The following IL1RAP variants were observed in gnomAD, a reference collection of about 807,000 sequenced individuals.
IL1RAP encodes the protein interleukin 1 receptor accessory protein.
Under a neutral mutation model 60.7 loss-of-function variants are expected in IL1RAP, and 35 were observed. The observed-to-expected ratio is 0.58, with a 90% CI of 0.44 to 0.76. The LOEUF is 0.76. IL1RAP is among the 30% of genes least tolerant of loss of function. The pLI, the probability that IL1RAP is intolerant of heterozygous loss-of-function variation, is 0.00. For synonymous variants in IL1RAP, 268 were observed against 250.9 expected, an observed-to-expected ratio of 1.07 and a Z score of -0.64; for missense variants, 572 against 693.9, an observed-to-expected ratio of 0.82 and a Z score of 1.97.
intron 3 of IL1RAP, among the ~76,000 whole-genome samples, chr3:190,578,991 C>T (rs2108673210): frequency 6.6e-6 from 1 of 152,276 alleles, no homozygotes; most frequent in Admixed American, 6.5e-5. Flanking sequence ...TGGGTGGGGA[C>T]ACAGCCAAAC....
intron 9 of IL1RAP, among the ~76,000 whole-genome samples, chr3:190,631,093 A>G (rs990507338): frequency 6.6e-6 from 1 of 152,196 alleles, no homozygotes. Flanking sequence ...CCATTCAAGT[A>G]TTTAATATGT....
At chr3:190,621,194 G>A (rs1291383933) in intron 6 of IL1RAP, among the ~76,000 whole-genome samples, 1 of 152,166 alleles carries the variant, frequency 6.6e-6, no homozygotes, top group African/African-American at 2.4e-5. Context: ...GGAAACATTA[G>A]GCTCACTGAC....
intron 1 of IL1RAP, chr3:190,520,636 G>A (rs751416754): frequency 2.6e-5 from 4 of 152,096 alleles, no homozygotes; most frequent in Admixed American, 1.3e-4. Flanking sequence ...AATGAGCTTC[G>A]ATCTCAAGAT....
At chr3:190,540,392 T>C (rs1479429994) in intron 1 of IL1RAP, among the ~76,000 whole-genome samples, 1 of 152,156 alleles carries the variant, frequency 6.6e-6, no homozygotes, top group African/African-American at 2.4e-5. Flanking sequence ...CAAAGGCAGA[T>C]AATTCTCTTT....
At chr3:190,518,190 G>A in intron 1 of IL1RAP, among the ~76,000 whole-genome samples, 1 of 151,710 alleles carries the variant, frequency 6.6e-6, no homozygotes, top group East Asian at 1.9e-4. Context: ...GTGGTAGTGT[G>A]GATTTTGAGA....
chr3:190,523,632 T>C (rs1024707703), intron 1 of IL1RAP, among the ~76,000 whole-genome samples: 2 of 152,122 alleles, frequency 1.3e-5, no homozygotes, highest in African/African-American at 4.8e-5. Flanking sequence ...GGTTTTCTGT[T>C]CCTCTCTTAG....
intron 3 of IL1RAP, among the ~76,000 whole-genome samples, chr3:190,589,215 T>A (rs1728732508): frequency 6.6e-6 from 1 of 152,180 alleles, no homozygotes; most frequent in African/African-American, 2.4e-5. Flanking sequence ...AGACCCTGCT[T>A]CTTTCCTTGG....
At chr3:190,553,731 C>G (rs1484276710) in intron 1 of IL1RAP, among the ~76,000 whole-genome samples, 3 of 152,186 alleles carry the variant, frequency 2.0e-5, no homozygotes, top group Non-Finnish European at 4.4e-5. Flanking sequence ...ACAGTTTCCT[C>G]TAGCCTCAGA....
In IL1RAP at chr3:190,588,541, C is replaced by T. The variant is rs1353585924; in HGVS notation, c.65-15587C>T. Among the ~76,000 whole-genome samples the T allele has an allele frequency of 3.9e-5, 6 of 152,282 alleles. No individual in the cohort carries two copies. The South Asian group carries it at 1.2e-3, about 32-fold the overall frequency. On this transcript the variant is annotated intron_variant, in intron 3 of 11. Transcript: ENST00000447382. ...TGACAGTGTTGTCCTGGAATATATA[C>T]CTGGACACACATGCACACACACACA...
chr3:190,623,641 C>T (rs1731972878), intron 7 of IL1RAP, among the ~76,000 whole-genome samples: 1 of 152,222 alleles, frequency 6.6e-6, no homozygotes, highest in Non-Finnish European at 1.5e-5. Context: ...CCTTCTCCCT[C>T]TGCTAGCCGT....
intron 1 of IL1RAP, among the ~76,000 whole-genome samples, chr3:190,544,538 A>G (rs751590376): frequency 6.6e-6 from 1 of 152,194 alleles, no homozygotes; most frequent in Non-Finnish European, 1.5e-5. Context: ...TACCTCCAGT[A>G]GGAGTAATAC....
chr3:190,618,952 C>T (rs1201569622), intron 5 of IL1RAP, among the ~76,000 whole-genome samples: 1 of 152,122 alleles, frequency 6.6e-6, no homozygotes, highest in Admixed American at 6.5e-5. Flanking sequence ...TGTCATATTT[C>T]AAAGTACATG....
intron 1 of IL1RAP, among the ~76,000 whole-genome samples, chr3:190,521,340 G>A (rs545432177): frequency 1.1e-3 from 174 of 151,848 alleles, no homozygotes; most frequent in African/African-American, 3.9e-3. Flanking sequence ...CAGGGCAGGT[G>A]TTGCTAATGT....
chr3:190,631,161 A>C (rs1309452029), intron 9 of IL1RAP, among the ~76,000 whole-genome samples: 2 of 152,196 alleles, frequency 1.3e-5, no homozygotes, highest in Non-Finnish European at 2.9e-5. Context: ...ATGTTTTCAT[A>C]TGTATTTGAC....
At chr3:190,585,208 C>T (rs1728348430) in intron 3 of IL1RAP, among the ~76,000 whole-genome samples, 1 of 151,978 alleles carries the variant, frequency 6.6e-6, no homozygotes, top group Admixed American at 6.6e-5. Flanking sequence ...TGATGATGGG[C>T]ATTAGGGGAT....
intron 3 of IL1RAP, among the ~76,000 whole-genome samples, chr3:190,594,715 G>A (rs1729235906): frequency 6.6e-6 from 1 of 152,186 alleles, no homozygotes; most frequent in South Asian, 2.1e-4. Flanking sequence ...TGGAAATGGG[G>A]CATGTCTAGC....
At chr3:190,541,763 A>G (rs1723953615) in intron 1 of IL1RAP, among the ~76,000 whole-genome samples, 1 of 152,124 alleles carries the variant, frequency 6.6e-6, no homozygotes, top group Non-Finnish European at 1.5e-5. Flanking sequence ...GCCTTTAAAC[A>G]TTAACTTCTG....
At chr3:190,624,312 G>A (rs2216524) in intron 7 of IL1RAP, among the ~76,000 whole-genome samples, 102,238 of 152,140 alleles carry the variant, frequency 0.67, 35,076 homozygotes, top group East Asian at 0.83. Flanking sequence ...GGTAACATCC[G>A]TCCAGGCTTG....
chr3:190,606,720 C>G (rs1199964349), intron 4 of IL1RAP, among the ~76,000 whole-genome samples: 4 of 152,168 alleles, frequency 2.6e-5, no homozygotes. Flanking sequence ...TAAAGCAAAT[C>G]TAGAATTGAA....
Sources: gnomAD v4.1 joint callset for allele counts (sites outside exome capture counted in the v4.1 genomes callset) on GRCh38, gnomAD v4.1.1 for gene constraint, MANE v1.5 for transcripts, NCBI Gene and HGNC (gene_info 2026-07-23, HGNC 2026-07-21) for gene names.